The following MAST2 variants were observed in gnomAD, a reference collection of about 807,000 sequenced individuals.
The protein encoded by MAST2 is microtubule associated serine/threonine kinase 2.
MAST2 carries 70 observed loss-of-function variants against 147.4 expected under a neutral mutation model. That is an observed-to-expected ratio of 0.47 (90% confidence interval 0.39 to 0.58). The LOEUF (loss-of-function observed/expected upper bound fraction) is 0.58, where lower values mean the gene tolerates loss of function less well. Among genes scored for constraint, MAST2 ranks in the 20% least tolerant of loss-of-function variants. The pLI, the probability that MAST2 is intolerant of heterozygous loss-of-function variation, is 0.00. For synonymous variants in MAST2, 869 were observed against 896.8 expected (o/e 0.97, Z 0.55); for missense variants, 2,080 against 2,302.3 (o/e 0.90, Z 1.98).
intron 8 of MAST2, among the ~76,000 whole-genome samples, chr1:46,006,951 C>A (rs890944291): frequency 6.6e-6 from 1 of 152,098 alleles, no homozygotes; most frequent in Non-Finnish European, 1.5e-5. Context: ...AGGTTGCTGG[C>A]GTGGGGAAGA....
intron 4 of MAST2, among the ~76,000 whole-genome samples, chr1:45,889,899 G>GCGC (rs769641134): frequency 3.9e-5 from 6 of 152,058 alleles, no homozygotes; most frequent in Non-Finnish European, 5.9e-5. Context: ...GACTACAGGT[G>GCGC]CGCTCCACCA....
chr1:45,809,940 A>G (rs953711998), intron 1 of MAST2, among the ~76,000 whole-genome samples: 3 of 152,374 alleles, frequency 2.0e-5, no homozygotes, highest in African/African-American at 7.2e-5. Flanking sequence ...CATATAAAGT[A>G]GATGCTGAAT....
intron 5 of MAST2, among the ~76,000 whole-genome samples, chr1:45,985,580 T>C (rs1166314646): frequency 6.6e-6 from 1 of 152,248 alleles, no homozygotes; most frequent in African/African-American, 2.4e-5. Flanking sequence ...AGTTATATAG[T>C]ATGTACTGTG....
intron 5 of MAST2, among the ~76,000 whole-genome samples, chr1:45,983,881 G>A (rs1644509833): frequency 2.0e-5 from 3 of 152,214 alleles, no homozygotes; most frequent in Admixed American, 1.3e-4. Context: ...TTTTTAGGGC[G>A]AAGGTGATAT....
At chr1:45,814,172 A>C (rs1489414179) in intron 1 of MAST2, among the ~76,000 whole-genome samples, 1 of 152,208 alleles carries the variant, frequency 6.6e-6, no homozygotes, top group Admixed American at 6.5e-5. Context: ...TGTATTTACC[A>C]TACTATACTT....
chr1:45,917,242 GA>G (rs1340685125), intron 4 of MAST2: 2 of 694,272 alleles, frequency 2.9e-6, no homozygotes, highest in East Asian at 1.3e-4. Context: ...TACTTTTCTT[GA>G]GCTTTTTGCC....
In MAST2 at chr1:45,827,539, G is replaced by A. The variant is rs368418040; in HGVS notation, c.326-1900G>A. 2.0e-5 allele frequency among the ~76,000 whole-genome samples: 3 copies of A among 152,236 alleles called. No homozygotes were observed. The South Asian group carries it at 6.2e-4, about 32-fold the overall frequency. On this transcript the variant is annotated intron_variant, in intron 2 of 28. Coordinates refer to ENST00000361297, the MANE Select transcript of MAST2 (RefSeq NM_015112.3). ...AGCTGACTTCCCTTTAGAATTAATA[G>A]GTGAGAAGTAGGCAGGTCATCTGGA...
At chr1:45,896,991 T>G (rs1648841227) in intron 4 of MAST2, among the ~76,000 whole-genome samples, 1 of 152,246 alleles carries the variant, frequency 6.6e-6, no homozygotes. Flanking sequence ...GAGCTTGAGA[T>G]AGTATCATCT....
At chr1:45,966,019 C>T (rs1484741703) in intron 5 of MAST2, among the ~76,000 whole-genome samples, 1 of 152,186 alleles carries the variant, frequency 6.6e-6, no homozygotes, top group Non-Finnish European at 1.5e-5. Flanking sequence ...TGTGCTCTGC[C>T]TATTTATTTC....
At chr1:45,972,375 C>CTTTGTAAA (rs1643947600) in intron 5 of MAST2, among the ~76,000 whole-genome samples, 2 of 152,214 alleles carry the variant, frequency 1.3e-5, no homozygotes, top group Non-Finnish European at 2.9e-5. Context: ...GAAGTTTACT[C>CTTTGTAAA]CATACCCAGA....
rs774830607 is a variant in MAST2, at chr1:45,866,274, A to G, written c.469-16090A>G. Among the ~76,000 whole-genome samples, 42 of 152,252 alleles carry G rather than the reference A, an allele frequency of 2.8e-4. 1 individual carries two copies. In the Middle Eastern group the frequency reaches 0.034, roughly 123 times the overall value. On this transcript the variant is annotated intron_variant, in intron 3 of 28. Coordinates refer to ENST00000361297, the MANE Select transcript of MAST2 (RefSeq NM_015112.3). ...CCTGGGCTTTAAAAGTCAATAACAT[A>G]AACTCCAGCGCCTTATACTAATTTC...
At chr1:45,846,546 G>T (rs1200561348) in intron 3 of MAST2, among the ~76,000 whole-genome samples, 1 of 152,138 alleles carries the variant, frequency 6.6e-6, no homozygotes, top group Non-Finnish European at 1.5e-5. Flanking sequence ...CATAGGCCAG[G>T]TGCGGTGGCT....
intron 5 of MAST2, among the ~76,000 whole-genome samples, chr1:45,964,572 T>C (rs1172753331): frequency 6.6e-6 from 1 of 152,194 alleles, no homozygotes; most frequent in African/African-American, 2.4e-5. Context: ...AACCCCTTTA[T>C]CATTTTTTAT....
rs943261125 is a variant in MAST2, at chr1:45,882,762, C to T, written c.500+367C>T. Reference sequence around the variant, plus strand: ...GGAAACCCTTTGCATTTACATCTATCCGGTAACATGGTATGAGGAGAAGAC... The same window carrying T: ...GGAAACCCTTTGCATTTACATCTATTCGGTAACATGGTATGAGGAGAAGAC... On this transcript the variant is annotated intron_variant, in intron 4 of 28. Transcript: ENST00000361297. Among the ~76,000 whole-genome samples the T allele has an allele frequency of 4.6e-5, 7 of 152,304 alleles. No individual in the cohort carries two copies. The South Asian group carries it at 6.2e-4, about 14-fold the overall frequency.
At chr1:45,965,215 T>C (rs1385288664) in intron 5 of MAST2, among the ~76,000 whole-genome samples, 1 of 152,162 alleles carries the variant, frequency 6.6e-6, no homozygotes, top group East Asian at 1.9e-4. Context: ...GGTGGAGAGT[T>C]CTGTAGATGT....
At chr1:45,996,389 T>C (rs1645059808) in intron 5 of MAST2, among the ~76,000 whole-genome samples, 1 of 152,138 alleles carries the variant, frequency 6.6e-6, no homozygotes. Context: ...AAATAAGCTT[T>C]GATACTTCTG....
chr1:45,884,782 A>G (rs1647009943), intron 4 of MAST2, among the ~76,000 whole-genome samples: 1 of 152,184 alleles, frequency 6.6e-6, no homozygotes, highest in Non-Finnish European at 1.5e-5. Flanking sequence ...CATGGGTACT[A>G]ATATAGGCTT....
intron 3 of MAST2, among the ~76,000 whole-genome samples, chr1:45,861,402 T>G (rs1487959080): frequency 6.6e-6 from 1 of 152,126 alleles, no homozygotes; most frequent in African/African-American, 2.4e-5. Flanking sequence ...GTTCTCTGTA[T>G]TATCTCTCAA....
At position 45,828,837 on chromosome 1, in the gene MAST2, T is replaced by G. The variant is rs145573584; in HGVS notation, c.326-602T>G. 6.7e-3 allele frequency among the ~76,000 whole-genome samples: 1,024 copies of G among 151,850 alleles called. 11 individuals are homozygous for G. Among genetic ancestry groups the G allele is most frequent in the African/African-American group, 0.024 (988 of 41,380 alleles). The stretch of plus-strand genomic sequence containing the variant: ...TACTCAGGAGGCTGAGGCAGGAGAA[T>G]CGCTTGAGCCTGGGAGGCAGAGGTT... On this transcript the variant is annotated intron_variant, in intron 2 of 28. Coordinates refer to ENST00000361297, the MANE Select transcript of MAST2 (RefSeq NM_015112.3).
Sources: allele counts gnomAD v4.1 joint callset (sites outside exome capture counted in the v4.1 genomes callset), GRCh38; gene constraint gnomAD v4.1.1; transcripts MANE v1.5; gene names NCBI Gene and HGNC (gene_info 2026-07-23, HGNC 2026-07-21).